The following COL12A1 variants were observed in gnomAD, a reference collection of about 807,000 sequenced individuals.
COL12A1 encodes collagen type XII alpha 1 chain.
A neutral mutation model predicts 349.7 loss-of-function variants in COL12A1; 114 were observed. That is an observed-to-expected ratio of 0.33 (90% CI 0.28 to 0.38). COL12A1 has a LOEUF of 0.38. Among genes scored for constraint, COL12A1 ranks in the 10% least tolerant of loss-of-function variants. The pLI, the probability that COL12A1 is intolerant of heterozygous loss-of-function variation, is 1.00. For missense variants in COL12A1, 3,284 were observed against 3,756.9 expected, an observed-to-expected ratio of 0.87 and a Z score of 3.29; for synonymous variants, 1,369 against 1,329.0, an observed-to-expected ratio of 1.03 and a Z score of -0.66.
At chr6:75,099,704 A>G (rs1422077239) in intron 58 of COL12A1, among the ~76,000 whole-genome samples, 2 of 152,202 alleles carry the variant, frequency 1.3e-5, no homozygotes, top group Non-Finnish European at 2.9e-5. Flanking sequence ...GAGAAGACTG[A>G]TGGCCATTTT....
chr6:75,146,295 A>G, intron 23 of COL12A1, 51 bp from the exon 24 acceptor site: 1 of 1,507,504 alleles, frequency 6.6e-7, no homozygotes, highest in Non-Finnish European at 8.9e-7. Context: ...CATTCCACTC[A>G]TTTTTAACCA....
chr6:75,166,376 T>C (rs545588), intron 13 of COL12A1, among the ~76,000 whole-genome samples: 9,742 of 152,152 alleles, frequency 0.064, 813 homozygotes, highest in African/African-American at 0.2. Context: ...CCTAACAAAA[T>C]TGAAAACAAC....
rs762915454 is a variant in COL12A1, at chr6:75,133,915, T to G, written c.5607A>C (p.Gly1869=). 6.2e-7 allele frequency: 1 copy of G among 1,614,078 alleles called. No individual in the cohort carries two copies. Among genetic ancestry groups the G allele is most frequent in the Non-Finnish European group, 8.5e-7 (1 of 1,179,988 alleles). Residue 1869 remains glycine (G), a synonymous_variant, in exon 33 of 66, where the codon GGA becomes GGC. Transcript: ENST00000322507. The part of the protein sequence containing the change: ...TLNVRWDHAE[G]NPRQYKLFYA... ...AGAAGAGCTTGTACTGACGAGGATT[T>G]CCCTCTGCATGGTCCCAGCGGACAT...
chr6:75,121,523 A>C, intron 43 of COL12A1, 82 bp from the exon 44 acceptor site: 1 of 1,411,308 alleles, frequency 7.1e-7, no homozygotes, highest in South Asian at 1.7e-5. Flanking sequence ...AAAATGCAAT[A>C]TAACACCTTG....
intron 13 of COL12A1, among the ~76,000 whole-genome samples, chr6:75,174,339 G>T (rs556346447): frequency 1.3e-5 from 2 of 152,166 alleles, no homozygotes; most frequent in South Asian, 2.1e-4. Flanking sequence ...GGCGGATCAC[G>T]AGGTCAGGAG....
intron 2 of COL12A1, among the ~76,000 whole-genome samples, chr6:75,199,074 T>C (rs888922372): frequency 6.6e-6 from 1 of 152,184 alleles, no homozygotes; most frequent in Non-Finnish European, 1.5e-5. Flanking sequence ...AAAATAATAT[T>C]TTAGAATAAG....
intron 55 of COL12A1, among the ~76,000 whole-genome samples, chr6:75,103,033 C>T (rs1283536193): frequency 6.6e-6 from 1 of 151,974 alleles, no homozygotes; most frequent in Admixed American, 6.6e-5. Flanking sequence ...TTATTTTAAG[C>T]TAGTCCTCAT....
At chr6:75,146,601 T>C (rs572343986) in intron 23 of COL12A1, among the ~76,000 whole-genome samples, 6 of 152,318 alleles carry the variant, frequency 3.9e-5, no homozygotes, top group African/African-American at 1.4e-4. Flanking sequence ...ATCACAGAAC[T>C]TTATATATAT....
chr6:75,150,297 T>G (rs995904996), intron 21 of COL12A1, among the ~76,000 whole-genome samples: 3 of 152,174 alleles, frequency 2.0e-5, no homozygotes, highest in Non-Finnish European at 4.4e-5. Context: ...CAGAGAGTAA[T>G]CATTATGCAC....
At position 75,184,997 on chromosome 6, in the gene COL12A1, G is replaced by C. The variant is rs1326865652; in HGVS notation, c.998-853C>G. On this transcript the variant is annotated intron_variant, in intron 8 of 65. Transcript: ENST00000322507. Reference sequence around the variant, plus strand: ...CTCCTCAAAAAAGCAACCAGATGTAGGACATAAAAGTGATGTTTATACTGA... The same window carrying C: ...CTCCTCAAAAAAGCAACCAGATGTACGACATAAAAGTGATGTTTATACTGA... Among the ~76,000 whole-genome samples, 13 of 152,156 alleles carry C rather than the reference G, an allele frequency of 8.5e-5. No individual in the cohort carries two copies. The East Asian group carries it at 2.5e-3, about 29-fold the overall frequency.
intron 14 of COL12A1, among the ~76,000 whole-genome samples, chr6:75,164,861 A>G (rs756640239): frequency 6.6e-6 from 1 of 152,204 alleles, no homozygotes; most frequent in Admixed American, 6.5e-5. Flanking sequence ...TATCAGTAAG[A>G]GTGAGGTAAA....
intron 52 of COL12A1, among the ~76,000 whole-genome samples, chr6:75,107,891 C>A (rs1364821731): frequency 6.6e-6 from 1 of 152,112 alleles, no homozygotes; most frequent in African/African-American, 2.4e-5. Context: ...AATCAAAATT[C>A]TATTACATTT....
rs1765881602 is a variant in COL12A1 at position 75,123,999 on chromosome 6, CA to C, written c.6819del (p.Phe2273LeufsTer20). On this transcript the variant is annotated frameshift_variant, in exon 42 of 66. Coordinates refer to ENST00000322507, the MANE Select transcript of COL12A1 (RefSeq NM_004370.6). LOFTEE classifies it high-confidence loss of function. ...GGTCCCTCGAGATTTGGTGTCTGCACAAAAACAGTGACACCATAATCAGTGT... is the reference window on the plus strand; with the variant it reads ...GGTCCCTCGAGATTTGGTGTCTGCACAAAACAGTGACACCATAATCAGTGT... ...SPDTDYGVTV[F>X]VQTPNLEGPG... 1.9e-6 allele frequency: 3 copies of C among 1,613,712 alleles called. No homozygotes were observed. The highest frequency in any genetic ancestry group is 1.7e-6 in the Non-Finnish European group (2 of 1,179,806).
intron 47 of COL12A1, 137 bp downstream of exon 47, chr6:75,117,245 G>T: frequency 1.3e-6 from 1 of 789,478 alleles, no homozygotes; most frequent in Non-Finnish European, 2.0e-6. Flanking sequence ...TAGGAACAGT[G>T]ATTCATCAGG....
chr6:75,192,967 T>C (rs1266148484), intron 3 of COL12A1, among the ~76,000 whole-genome samples: 1 of 152,198 alleles, frequency 6.6e-6, no homozygotes, highest in Non-Finnish European at 1.5e-5. Context: ...GGCAGTTATG[T>C]ACTCCCTTCT....
At chr6:75,129,943 G>A (rs1766218655) in intron 37 of COL12A1, 148 bp downstream of exon 37, 1 of 817,932 alleles carries the variant, frequency 1.2e-6, no homozygotes, top group Non-Finnish European at 1.9e-6. Flanking sequence ...AGCACATTTG[G>A]GTGGTCCCAA....
intron 52 of COL12A1, among the ~76,000 whole-genome samples, chr6:75,107,605 A>G (rs1411432815): frequency 1.3e-5 from 2 of 152,150 alleles, no homozygotes; most frequent in African/African-American, 4.8e-5. Context: ...CTTATAGAAA[A>G]GTAACATTAA....
chr6:75,142,312 G>C (rs1766936253), intron 26 of COL12A1, 151 bp from the exon 27 acceptor site: 12 of 885,304 alleles, frequency 1.4e-5, no homozygotes, highest in Middle Eastern at 3.5e-4. Context: ...CCAGAAACTG[G>C]ACACAGTTTA....
chr6:75,159,850 CA>C (rs150573944), intron 14 of COL12A1, among the ~76,000 whole-genome samples: 12 of 148,408 alleles, frequency 8.1e-5, no homozygotes, highest in Admixed American at 2.0e-4. Flanking sequence ...ACTTAAGTTT[CA>C]AAAAAAAATG....
Sources: allele counts gnomAD v4.1 joint callset (sites outside exome capture counted in the v4.1 genomes callset), GRCh38; gene constraint gnomAD v4.1.1; transcripts MANE v1.5; gene names NCBI Gene and HGNC (gene_info 2026-07-23, HGNC 2026-07-21).